The following GRID2 variants were observed in gnomAD, a reference collection of about 807,000 sequenced individuals.
GRID2 encodes the protein glutamate receptor ionotropic, delta-2.
A neutral mutation model predicts 114.8 loss-of-function variants in GRID2; 33 were observed. The observed-to-expected ratio is 0.29, with a 90% CI of 0.22 to 0.38. GRID2 has a LOEUF of 0.38. Ranked by LOEUF, GRID2 falls within the 10% of genes least tolerant of loss-of-function variation. The probability of loss-of-function intolerance (pLI) is 1.00; values close to 1 mark genes in which losing one functional copy is unlikely to be tolerated. For synonymous variants in GRID2, 505 were observed against 449.9 expected (o/e 1.12, Z -1.55); for missense variants, 1,184 against 1,257.7 (o/e 0.94, Z 0.89).
chr4:93,530,977 T>A (rs7673376), intron 13 of GRID2, among the ~76,000 whole-genome samples: 4,505 of 152,248 alleles, frequency 0.03, 233 homozygotes, highest in African/African-American at 0.1. Flanking sequence ...AAATAATTTA[T>A]AAGAACAGAT....
chr4:92,676,182 T>G (rs1338641324), intron 2 of GRID2, among the ~76,000 whole-genome samples: 2 of 99,914 alleles, frequency 2.0e-5, no homozygotes, highest in African/African-American at 3.8e-5. Flanking sequence ...TTTTTTTTTG[T>G]GGTTGTTTTT....
At chr4:93,065,110 TA>T in intron 2 of GRID2, among the ~76,000 whole-genome samples, 1 of 151,828 alleles carries the variant, frequency 6.6e-6, no homozygotes. Flanking sequence ...ATTTAAAAAA[TA>T]TTTTTGAGAT....
At chr4:92,494,447 T>G (rs1723294010) in intron 1 of GRID2, among the ~76,000 whole-genome samples, 1 of 152,012 alleles carries the variant, frequency 6.6e-6, no homozygotes, top group African/African-American at 2.4e-5. Flanking sequence ...CACAGAAACA[T>G]TTAGTGTGTT....
chr4:93,512,990 A>G (rs1284156322), intron 12 of GRID2, among the ~76,000 whole-genome samples: 1 of 152,120 alleles, frequency 6.6e-6, no homozygotes, highest in African/African-American at 2.4e-5. Flanking sequence ...TATTTAAATG[A>G]AGGCACTGAA....
At chr4:92,918,043 G>C (rs1332136421) in intron 2 of GRID2, among the ~76,000 whole-genome samples, 1 of 152,084 alleles carries the variant, frequency 6.6e-6, no homozygotes, top group African/African-American at 2.4e-5. Flanking sequence ...CTGGTTTGTA[G>C]TTCTCCTTGA....
At chr4:92,436,996 C>A (rs1732765999) in intron 1 of GRID2, among the ~76,000 whole-genome samples, 1 of 152,032 alleles carries the variant, frequency 6.6e-6, no homozygotes, top group African/African-American at 2.4e-5. Context: ...TTGGCTATAA[C>A]AATTTTTAAA....
chr4:93,596,654 A>G (rs769303622), intron 13 of GRID2, among the ~76,000 whole-genome samples: 8 of 152,228 alleles, frequency 5.3e-5, no homozygotes, highest in Non-Finnish European at 1.2e-4. Flanking sequence ...GACTTTTTCC[A>G]GATGCAAGTA....
intron 14 of GRID2, among the ~76,000 whole-genome samples, chr4:93,713,145 G>C (rs1422646549): frequency 1.3e-5 from 2 of 152,120 alleles, no homozygotes; most frequent in African/African-American, 2.4e-5. Context: ...GTTAGACAAT[G>C]AATTTCTAAT....
chr4:93,304,021 C>T (rs1421209988), intron 8 of GRID2, among the ~76,000 whole-genome samples: 2 of 151,716 alleles, frequency 1.3e-5, no homozygotes, highest in Admixed American at 6.6e-5. Context: ...TCACCAACCT[C>T]AGAATTATTA....
intron 13 of GRID2, among the ~76,000 whole-genome samples, chr4:93,582,701 T>C (rs1295379144): frequency 6.6e-6 from 1 of 152,168 alleles, no homozygotes; most frequent in Non-Finnish European, 1.5e-5. Context: ...ACTTGTTATG[T>C]ATTTGTGTTT....
intron 7 of GRID2, 65 bp from the exon 8 acceptor site, chr4:93,238,306 T>G: frequency 8.2e-7 from 1 of 1,218,318 alleles, no homozygotes; most frequent in Non-Finnish European, 1.2e-6. Context: ...AGAAGTTCCT[T>G]TTATGTTTAT....
chr4:92,850,830 A>G lies in GRID2; in HGVS notation c.245-234165A>G, dbSNP rs574919001. Among the ~76,000 whole-genome samples the G allele has an allele frequency of 1.4e-3, 208 of 152,070 alleles. 1 individual carries two copies. Among genetic ancestry groups the G allele is most frequent in the African/African-American group, 4.7e-3 (195 of 41,532 alleles). On this transcript the variant is annotated intron_variant, in intron 2 of 15. Coordinates refer to ENST00000282020, the MANE Select transcript of GRID2 (RefSeq NM_001510.4). ...TCAGATGATTGGGATGTGTTCAAAA[A>G]TACCATTTGAGCAATAAATTTCTGG...
rs543238141 is a variant in GRID2, at chr4:92,360,847, T to C, written c.88+56103T>C. Among the ~76,000 whole-genome samples, 8 of 152,106 alleles carry C rather than the reference T, an allele frequency of 5.3e-5. No homozygotes were observed. The South Asian group carries it at 1.7e-3, about 32-fold the overall frequency. On this transcript the variant is annotated intron_variant, in intron 1 of 15. Coordinates refer to ENST00000282020, the MANE Select transcript of GRID2 (RefSeq NM_001510.4). ...AAGTGATCTCCACAGGAAACTTTTG[T>C]GGGGTTTTCCCCCTTTTATATCAAC...
chr4:92,390,493 G>A (rs1026167492), intron 1 of GRID2, among the ~76,000 whole-genome samples: 2 of 152,070 alleles, frequency 1.3e-5, no homozygotes, highest in South Asian at 2.1e-4. Flanking sequence ...CCCTGACTGC[G>A]GAGGGAGGTT....
At chr4:93,583,507 T>C (rs1737197709) in intron 13 of GRID2, among the ~76,000 whole-genome samples, 1 of 152,174 alleles carries the variant, frequency 6.6e-6, no homozygotes, top group Admixed American at 6.5e-5. Context: ...ATTGAATGTT[T>C]TTTGCTATAT....
At chr4:93,644,803 A>G (rs924400616) in intron 14 of GRID2, among the ~76,000 whole-genome samples, 4 of 152,234 alleles carry the variant, frequency 2.6e-5, no homozygotes, top group Non-Finnish European at 5.9e-5. Context: ...GCCTGACTCA[A>G]TTTAGGACAA....
intron 14 of GRID2, among the ~76,000 whole-genome samples, chr4:93,672,532 T>C (rs981230348): frequency 6.6e-6 from 1 of 152,244 alleles, no homozygotes; most frequent in African/African-American, 2.4e-5. Context: ...CATTTGTACT[T>C]TCACCCTGTG....
chr4:93,116,900 A>T (rs928270851), intron 4 of GRID2, among the ~76,000 whole-genome samples: 9 of 152,146 alleles, frequency 5.9e-5, no homozygotes, highest in African/African-American at 2.2e-4. Flanking sequence ...ATAAAACCAG[A>T]GGCTGGCAGG....
intron 1 of GRID2, among the ~76,000 whole-genome samples, chr4:92,459,828 T>C (rs137856892): frequency 0.01 from 1,565 of 151,110 alleles, 10 homozygotes; most frequent in Admixed American, 0.017. Context: ...TGACCCTCTA[T>C]AGTATGGGTG....
Sources: gnomAD v4.1 joint callset for allele counts (sites outside exome capture counted in the v4.1 genomes callset) on GRCh38, gnomAD v4.1.1 for gene constraint, MANE v1.5 for transcripts, NCBI Gene and HGNC (gene_info 2026-07-23, HGNC 2026-07-21) for gene names.